ARPP21: variants seen among roughly 807,000 people sequenced by gnomAD.
ARPP21 encodes cAMP-regulated phosphoprotein 21.
A neutral mutation model predicts 113.2 loss-of-function variants in ARPP21; 69 were observed. The observed-to-expected ratio is 0.61, with a 90% CI of 0.50 to 0.74. The LOEUF (loss-of-function observed/expected upper bound fraction) is 0.74. Ranked by LOEUF, ARPP21 falls within the 30% of genes least tolerant of loss-of-function variation. The probability of loss-of-function intolerance (pLI) is 0.00; values close to 1 mark genes in which losing one functional copy is unlikely to be tolerated. For missense variants in ARPP21, 1,070 were observed against 1,037.4 expected (o/e 1.03, Z -0.43); for synonymous variants, 368 against 375.5 (o/e 0.98, Z 0.23).
At chr3:35,778,151 A>G (rs1247339327) in intron 19 of ARPP21, among the ~76,000 whole-genome samples, 1 of 152,204 alleles carries the variant, frequency 6.6e-6, no homozygotes, top group Non-Finnish European at 1.5e-5. Context: ...AAAAATCTTC[A>G]GTTAAATAGA....
intron 5 of ARPP21, among the ~76,000 whole-genome samples, chr3:35,687,219 G>T (rs940489021): frequency 2.6e-5 from 4 of 151,332 alleles, no homozygotes; most frequent in South Asian, 2.1e-4. Flanking sequence ...AGAAATCATT[G>T]TTGACCTGGG....
At chr3:35,741,735 C>A (rs968531440) in intron 18 of ARPP21, among the ~76,000 whole-genome samples, 1 of 152,158 alleles carries the variant, frequency 6.6e-6, no homozygotes, top group Non-Finnish European at 1.5e-5. Flanking sequence ...CATTTCTGAG[C>A]TTTGGGGCTA....
chr3:35,655,064 T>C (rs183935540), intron 1 of ARPP21, among the ~76,000 whole-genome samples: 2 of 151,958 alleles, frequency 1.3e-5, no homozygotes, highest in Non-Finnish European at 2.9e-5. Context: ...TTTTACATTA[T>C]GTACATAAAA....
At chr3:35,747,389 G>C (rs1364534808) in intron 19 of ARPP21, among the ~76,000 whole-genome samples, 1 of 147,838 alleles carries the variant, frequency 6.8e-6, no homozygotes, top group African/African-American at 2.5e-5. Context: ...GAACACTAAT[G>C]TCGAGAAAGT....
chr3:35,672,333 A>G (rs1168442881), intron 1 of ARPP21, among the ~76,000 whole-genome samples: 1 of 152,068 alleles, frequency 6.6e-6, no homozygotes, highest in African/African-American at 2.4e-5. Context: ...CACAGAGCTT[A>G]ACAAGACCAA....
chr3:35,732,190 C>T (rs930111668), intron 15 of ARPP21, among the ~76,000 whole-genome samples: 7 of 152,026 alleles, frequency 4.6e-5, no homozygotes, highest in Non-Finnish European at 8.8e-5. Context: ...TTTAAAAATA[C>T]TAAGGTATCT....
intron 1 of ARPP21, among the ~76,000 whole-genome samples, chr3:35,679,177 T>C (rs1334222491): frequency 6.6e-6 from 1 of 151,922 alleles, no homozygotes; most frequent in African/African-American, 2.4e-5. Flanking sequence ...GTGTTCACCC[T>C]GCAACAAGAA....
chr3:35,750,049 C>T (rs34983352), intron 19 of ARPP21, among the ~76,000 whole-genome samples: 45,131 of 149,732 alleles, frequency 0.3, 7,237 homozygotes, highest in African/African-American at 0.42. Flanking sequence ...TTCAATTTCA[C>T]TGATTACTGA....
intron 1 of ARPP21, among the ~76,000 whole-genome samples, chr3:35,647,731 G>A (rs555367438): frequency 6.6e-6 from 1 of 152,262 alleles, no homozygotes; most frequent in African/African-American, 2.4e-5. Context: ...TATGGCCAAA[G>A]CTCTAAACCT....
chr3:35,709,393 G>A (rs2090323301), intron 11 of ARPP21, among the ~76,000 whole-genome samples: 1 of 152,170 alleles, frequency 6.6e-6, no homozygotes, highest in South Asian at 2.1e-4. Context: ...TTAGCCAGCA[G>A]ATTACCTACC....
At chr3:35,685,366 G>A (rs2080241745) in intron 5 of ARPP21, 6 of 985,336 alleles carry the variant, frequency 6.1e-6, no homozygotes, top group Non-Finnish European at 7.2e-6. Flanking sequence ...CCTCTCTTTG[G>A]ATTGGCTGAG....
Position 35,717,314 on chromosome 3 carries a change from A to G in ARPP21, c.952A>G (p.Ser318Gly). The G allele has an allele frequency of 1.2e-6, 2 of 1,605,304 alleles. No individual in the cohort carries two copies. The highest frequency in any genetic ancestry group is 1.7e-6 in the Non-Finnish European group (2 of 1,172,324). ...FVENSRLLEDSNICNETYKKR... is the reference protein window; with the variant it reads ...FVENSRLLEDGNICNETYKKR... ...CATTTCCAGTAGGCTCTTGGAAGACAGTAACATATGCAATGAGACCTATAA... is the reference window on the plus strand; with the variant it reads ...CATTTCCAGTAGGCTCTTGGAAGACGGTAACATATGCAATGAGACCTATAA... The change falls in exon 13 of 21, where the codon AGT (serine) becomes GGT (glycine). Residue 318 changes from serine (S) to glycine (G), a missense_variant. Transcript: ENST00000684406.
intron 19 of ARPP21, among the ~76,000 whole-genome samples, chr3:35,790,755 G>A (rs2096731750): frequency 6.6e-6 from 1 of 152,178 alleles, no homozygotes; most frequent in South Asian, 2.1e-4. Flanking sequence ...ACAGAATGTA[G>A]CTCAAGGAAA....
chr3:35,764,611 A>G (rs1362745142), intron 19 of ARPP21, among the ~76,000 whole-genome samples: 2 of 152,178 alleles, frequency 1.3e-5, no homozygotes, highest in Non-Finnish European at 2.9e-5. Context: ...CCTGCATCCC[A>G]TACTTCAGGT....
chr3:35,649,994 A>C (rs1302570737), intron 1 of ARPP21, among the ~76,000 whole-genome samples: 1 of 152,140 alleles, frequency 6.6e-6, no homozygotes, highest in Non-Finnish European at 1.5e-5. Context: ...ATGAACTTCC[A>C]TTCACCCATC....
At chr3:35,743,745 C>A in intron 18 of ARPP21, 94 bp from the exon 19 acceptor site, 1 of 1,391,292 alleles carries the variant, frequency 7.2e-7, no homozygotes, top group Non-Finnish European at 1.0e-6. Flanking sequence ...TCTTCACAAC[C>A]TACCACAATT....
intron 5 of ARPP21, 133 bp downstream of exon 5, chr3:35,683,948 T>C (rs2079757868): frequency 8.5e-7 from 1 of 1,179,194 alleles, no homozygotes. Context: ...TTTTTGGCTT[T>C]ATCCCCTGCT....
intron 1 of ARPP21, among the ~76,000 whole-genome samples, chr3:35,643,417 C>G (rs1698915197): frequency 6.6e-6 from 1 of 151,954 alleles, no homozygotes; most frequent in Admixed American, 6.6e-5. Flanking sequence ...GTCTTTTTGA[C>G]TTAGTTCTAG....
intron 13 of ARPP21, among the ~76,000 whole-genome samples, chr3:35,718,909 CA>C (rs35647414): frequency 0.066 from 4,712 of 71,844 alleles, 212 homozygotes; most frequent in African/African-American, 0.19. Context: ...GTAACCTGTG[CA>C]AAAAAAAAAA....
Sources: gnomAD v4.1 joint callset for allele counts (sites outside exome capture counted in the v4.1 genomes callset) on GRCh38, gnomAD v4.1.1 for gene constraint, MANE v1.5 for transcripts, NCBI Gene and HGNC (gene_info 2026-07-23, HGNC 2026-07-21) for gene names.